Variants in PMFBP1 observed in about 807,000 individuals in gnomAD.
PMFBP1 encodes the protein polyamine-modulated factor 1-binding protein 1.
Under a neutral mutation model 137.8 loss-of-function variants are expected in PMFBP1, and 131 were observed. The observed-to-expected ratio is 0.95, with a 90% CI of 0.82 to 1.10. PMFBP1 has a LOEUF of 1.10. PMFBP1 is among the 50% of genes least tolerant of loss of function. The probability of loss-of-function intolerance (pLI) is 0.00; values close to 1 mark genes in which losing one functional copy is unlikely to be tolerated. For synonymous variants in PMFBP1, 490 were observed against 450.4 expected, an observed-to-expected ratio of 1.09 and a Z score of -1.11; for missense variants, 1,199 against 1,175.4, an observed-to-expected ratio of 1.02 and a Z score of -0.29.
At chr16:72,195,116 G>A in the PMFBP1 span, among the ~76,000 whole-genome samples, 55 of 152,254 alleles carry the variant, frequency 3.6e-4, no homozygotes, top group African/African-American at 1.2e-3. Flanking sequence ...TGCACTTTGC[G>A]GACAGCCTCC....
chr16:72,181,615 C>T (rs989616254), upstream of PMFBP1, among the ~76,000 whole-genome samples: 2 of 152,112 alleles, frequency 1.3e-5, no homozygotes, highest in African/African-American at 4.8e-5. Context: ...ATGTGAACAT[C>T]GTCCTTCATT....
intron 7 of PMFBP1, 33 bp from the exon 8 acceptor site, chr16:72,136,852 G>C (rs372559223): frequency 1.2e-6 from 2 of 1,613,256 alleles, no homozygotes; most frequent in East Asian, 2.2e-5. Context: ...AGGATGAGGA[G>C]ATGAGAGACA....
At chr16:72,134,378 C>T (rs775783473) in intron 9 of PMFBP1, among the ~76,000 whole-genome samples, 58 of 152,242 alleles carry the variant, frequency 3.8e-4, no homozygotes, top group Middle Eastern at 3.4e-3. Flanking sequence ...GAGATGGGGT[C>T]TTGCCATGTT....
intron 14 of PMFBP1, among the ~76,000 whole-genome samples, chr16:72,127,758 C>A (rs1423153732): frequency 6.6e-6 from 1 of 152,204 alleles, no homozygotes; most frequent in Non-Finnish European, 1.5e-5. Flanking sequence ...ATCATTGATT[C>A]CTCACTTTCT....
rs1208248145 is a variant in PMFBP1, at chr16:72,136,580, C to G, written c.1071G>C (p.Leu357=). The G allele has an allele frequency of 4.3e-6, 7 of 1,613,980 alleles. No individual in the cohort carries two copies. In the Admixed American group the frequency reaches 6.7e-5, roughly 15 times the overall value. ...MKDMMKLELD[L]HGLREETSAH... ...CAGATGTCTCCTCCCGCAGTCCGTG[C>G]AGGTCCAGCTCCAGCTTCATCATGT... Residue 357 remains leucine, a synonymous_variant, in exon 9 of 21, where the codon CTG becomes CTC. Transcript: ENST00000237353.
the PMFBP1 span, among the ~76,000 whole-genome samples, chr16:72,219,070 T>C: frequency 2.6e-5 from 4 of 152,208 alleles, no homozygotes; most frequent in Non-Finnish European, 4.4e-5. Context: ...ATGTATACAT[T>C]GTGGAGTGGC....
intron 5 of PMFBP1, among the ~76,000 whole-genome samples, chr16:72,149,668 C>T (rs1447365038): frequency 6.6e-6 from 1 of 152,050 alleles, no homozygotes; most frequent in African/African-American, 2.4e-5. Flanking sequence ...ACTAAAAACA[C>T]AAAAACTGGC....
chr16:72,123,862 A>G (rs2042413618), intron 17 of PMFBP1, among the ~76,000 whole-genome samples: 1 of 152,218 alleles, frequency 6.6e-6, no homozygotes, highest in Admixed American at 6.5e-5. Flanking sequence ...AGAAGGCACC[A>G]TTTATGGCAG....
chr16:72,175,588 G>A (rs2043256213), upstream of PMFBP1, among the ~76,000 whole-genome samples: 1 of 152,208 alleles, frequency 6.6e-6, no homozygotes, highest in African/African-American at 2.4e-5. Flanking sequence ...AGAATATCAA[G>A]GGTCTGTTTT....
chr16:72,240,825 T>A, the PMFBP1 span, among the ~76,000 whole-genome samples: 7 of 152,192 alleles, frequency 4.6e-5, no homozygotes, highest in Non-Finnish European at 1.0e-4. Flanking sequence ...ATATTTTGAA[T>A]CTTTTTATAT....
the PMFBP1 span, among the ~76,000 whole-genome samples, chr16:72,238,926 A>G: frequency 2.0e-5 from 3 of 152,140 alleles, no homozygotes. Context: ...CCTAAAATGC[A>G]TAGGACAGCC....
chr16:72,238,017 T>G, the PMFBP1 span, among the ~76,000 whole-genome samples: 1 of 152,268 alleles, frequency 6.6e-6, no homozygotes, highest in African/African-American at 2.4e-5. Flanking sequence ...ATGGTGTATA[T>G]GTATCACATT....
chr16:72,146,107 T>A (rs150220883), intron 5 of PMFBP1, among the ~76,000 whole-genome samples: 1 of 152,208 alleles, frequency 6.6e-6, no homozygotes, highest in South Asian at 2.1e-4. Flanking sequence ...CTGATGAACA[T>A]TGATGCGAAA....
chr16:72,209,442 A>G, the PMFBP1 span, among the ~76,000 whole-genome samples: 3 of 152,060 alleles, frequency 2.0e-5, no homozygotes, highest in Non-Finnish European at 4.4e-5. Context: ...AGTTATCTAT[A>G]TATCATTTTG....
chr16:72,132,986 G>A lies in PMFBP1; in HGVS notation c.1209C>T (p.Leu403=). 1.2e-6 allele frequency: 2 copies of A among 1,614,006 alleles called. No homozygotes were observed. The highest frequency in any genetic ancestry group is 1.1e-5 in the South Asian group (1 of 91,074). The part of the protein sequence containing the change: ...QKLTLKKDKF[L]QEKDEMLQEL... The stretch of plus-strand genomic sequence containing the variant: ...CTTGCAGCATCTCATCTTTCTCTTG[G>A]AGGAACTGAAGACAGCAAAATGCAA... Residue 403 remains leucine, a synonymous_variant, in exon 10 of 21, where the codon CTC becomes CTT. Coordinates refer to ENST00000237353, the MANE Select transcript of PMFBP1 (RefSeq NM_031293.3).
At chr16:72,241,516 T>C in the PMFBP1 span, among the ~76,000 whole-genome samples, 1 of 152,220 alleles carries the variant, frequency 6.6e-6, no homozygotes, top group East Asian at 1.9e-4. Context: ...GCCATATATT[T>C]GAACAGCCAA....
chr16:72,135,846 A>AG (rs1372605541), intron 9 of PMFBP1, among the ~76,000 whole-genome samples: 2 of 147,384 alleles, frequency 1.4e-5, no homozygotes, highest in South Asian at 4.3e-4. Context: ...CCTGGGCTCA[A>AG]GGGGCTCATG....
chr16:72,169,904 G>A (rs910154662), intron 2 of PMFBP1, among the ~76,000 whole-genome samples: 5 of 152,128 alleles, frequency 3.3e-5, no homozygotes, highest in Admixed American at 2.6e-4. Flanking sequence ...GGCTAGATTA[G>A]TGTTTGCCAT....
intron 5 of PMFBP1, among the ~76,000 whole-genome samples, chr16:72,144,290 A>T (rs1363093380): frequency 6.6e-6 from 1 of 152,162 alleles, no homozygotes; most frequent in Admixed American, 6.5e-5. Context: ...TCTAAATTTC[A>T]TTAAGAAAAG....
Sources: gnomAD v4.1 joint callset for allele counts (sites outside exome capture counted in the v4.1 genomes callset) on GRCh38, gnomAD v4.1.1 for gene constraint, MANE v1.5 for transcripts, NCBI Gene and HGNC (gene_info 2026-07-23, HGNC 2026-07-21) for gene names.